The following ZNF469 variants were observed in gnomAD, a reference collection of about 807,000 sequenced individuals.
ZNF469 encodes zinc finger protein 469.
Under a neutral mutation model 1.0 loss-of-function variants are expected in ZNF469, and 1 was observed. That is an observed-to-expected ratio of 1.00 (90% CI 0.35 to 4.73). ZNF469 has a LOEUF of 4.73. Among genes scored for constraint, ZNF469 ranks in the 30% most tolerant of loss-of-function variants. ZNF469 has a pLI of 0.16. For synonymous variants in ZNF469, 2,703 were observed against 2,363.4 expected (o/e 1.14, Z -4.17); for missense variants, 6,100 against 5,356.3 (o/e 1.14, Z -4.33).
At chr16:88,231,449 G>C in the ZNF469 span, among the ~76,000 whole-genome samples, 1 of 152,236 alleles carries the variant, frequency 6.6e-6, no homozygotes, top group Non-Finnish European at 1.5e-5. This position sits in a 1 kb window ranked among gnomAD's most constrained non-coding sequence, Gnocchi z 4.5. Context: ...GCTGCGACGA[G>C]ATGACCACAG....
upstream of ZNF469, among the ~76,000 whole-genome samples, chr16:88,381,212 ACACAGACATGCACTCACACACGCACT>A (rs1425183209): frequency 2.9e-4 from 42 of 144,586 alleles, no homozygotes; most frequent in Non-Finnish European, 5.1e-4. Context: ...ACAGACACAC[ACACAGACATGCACTCACACACGCACT>A]CACAGACATG....
chr16:88,389,199 C>G (rs539729460), intron 1 of ZNF469, among the ~76,000 whole-genome samples: 2 of 152,382 alleles, frequency 1.3e-5, no homozygotes, highest in South Asian at 4.1e-4. Context: ...CCCTCGGCAG[C>G]CGCTCCTTCC....
the ZNF469 span, among the ~76,000 whole-genome samples, chr16:88,185,699 ACT>A: frequency 2.0e-5 from 3 of 149,924 alleles, no homozygotes; most frequent in Non-Finnish European, 4.4e-5. Context: ...ACATTCGCAC[ACT>A]CACACACGTG....
At position 88,435,466 on chromosome 16, in the gene ZNF469, C is replaced by T; in HGVS notation, c.7996C>T (p.Pro2666Ser). ...AGATGGGCGCGGCTCCAGACCATCC[C>T]CTGCAATGGCCAGTTACGCAGCCTC... ...ISDGRGSRPSPAMASYAASPS... is the reference protein window; with the variant it reads ...ISDGRGSRPSSAMASYAASPS... The change falls in exon 3 of 3, where the codon CCT becomes TCT. Residue 2666 changes from proline to serine, a missense_variant. By Grantham distance (74) the Pro-to-Ser change is moderately conservative. Transcript: ENST00000565624. 6.5e-7 allele frequency: 1 copy of T among 1,549,604 alleles called. No homozygotes were observed. The highest frequency in any genetic ancestry group is 8.7e-7 in the Non-Finnish European group (1 of 1,146,984).
the ZNF469 span, among the ~76,000 whole-genome samples, chr16:88,200,824 C>A: frequency 9.2e-5 from 14 of 152,272 alleles, no homozygotes; most frequent in African/African-American, 3.4e-4. Context: ...AGCCACAGCT[C>A]CTCTGTTGTC....
In ZNF469 at chr16:88,439,658, ACAC is replaced by A. The variant is rs1906864628; in HGVS notation, c.*330_*332del. On this transcript the variant is annotated 3_prime_UTR_variant, in exon 3 of 3. Transcript: ENST00000565624. ...ACACCCCTGCGCCCTGTGGGCACCG[ACAC>A]CACAGAAGCCAATGTTTGGAGATTT... The A allele has an allele frequency of 2.8e-6, 1 of 362,036 alleles. No individual in the cohort carries two copies. Among genetic ancestry groups the A allele is most frequent in the Non-Finnish European group, 5.1e-6 (1 of 194,834 alleles). 22.4% of individuals were successfully genotyped at this position (362,036 alleles called of 1,614,324 possible).
chr16:88,249,096 A>G, the ZNF469 span, among the ~76,000 whole-genome samples: 3 of 151,924 alleles, frequency 2.0e-5, no homozygotes, highest in East Asian at 1.9e-4. Flanking sequence ...TGATGCCCCA[A>G]ATGAAATAGC....
At chr16:88,116,967 A>G in the ZNF469 span, among the ~76,000 whole-genome samples, 2,252 of 54,820 alleles carry the variant, frequency 0.041, 29 homozygotes, top group African/African-American at 0.085. Context: ...ACACACACAC[A>G]CACACACACA....
rs1267370390 is a variant in ZNF469, at chr16:88,430,934, C to G, written c.3464C>G (p.Pro1155Arg). 10 of 1,536,012 alleles carry G rather than the reference C, an allele frequency of 6.5e-6. No homozygotes were observed. In the African/African-American group the frequency reaches 1.2e-4, roughly 19 times the overall value. The change falls in exon 3 of 3, where the codon CCC becomes CGC. Residue 1155 changes from proline (P) to arginine (R), a missense_variant. By Grantham distance (103) the Pro-to-Arg change is moderately radical. Transcript: ENST00000565624. ...GGCGGGGACGGAGCCCCCGCGAACCCCGAGGAGCCGGGCGGGTCTCGCCCG... is the reference window on the plus strand; with the variant it reads ...GGCGGGGACGGAGCCCCCGCGAACCGCGAGGAGCCGGGCGGGTCTCGCCCG... ...EAGGDGAPAN[P>R]EEPGGSRPGP... is the part of the protein sequence containing the mutation.
the ZNF469 span, among the ~76,000 whole-genome samples, chr16:88,346,783 G>T: frequency 6.6e-6 from 1 of 152,250 alleles, no homozygotes; most frequent in Non-Finnish European, 1.5e-5. Flanking sequence ...CCCTGTGTGT[G>T]CGTCCCAAGC....
the ZNF469 span, among the ~76,000 whole-genome samples, chr16:88,248,402 G>C: frequency 2.0e-5 from 3 of 152,158 alleles, no homozygotes; most frequent in Non-Finnish European, 2.9e-5. Flanking sequence ...TCTCAGAGTT[G>C]CAACACTCTC....
At chr16:88,416,614 C>T (rs898730824) in intron 1 of ZNF469, among the ~76,000 whole-genome samples, 3 of 152,218 alleles carry the variant, frequency 2.0e-5, no homozygotes, top group Non-Finnish European at 2.9e-5. Context: ...CCACCATTAC[C>T]GTGAGAAATT....
At chr16:88,241,055 C>T in the ZNF469 span, among the ~76,000 whole-genome samples, 3 of 152,154 alleles carry the variant, frequency 2.0e-5, no homozygotes, top group African/African-American at 7.2e-5. This position sits in a 1 kb window ranked among gnomAD's most constrained non-coding sequence, Gnocchi z 4.8. Flanking sequence ...TGCTTGGTCA[C>T]GGAGCAGCAT....
At chr16:88,387,471 T>A (rs1179749090) in intron 1 of ZNF469, among the ~76,000 whole-genome samples, 1 of 152,096 alleles carries the variant, frequency 6.6e-6, no homozygotes, top group Non-Finnish European at 1.5e-5. Context: ...CTTGGCTGCT[T>A]GCGGTTGCTG....
At chr16:88,310,478 A>C in the ZNF469 span, among the ~76,000 whole-genome samples, 1 of 152,092 alleles carries the variant, frequency 6.6e-6, no homozygotes, top group Non-Finnish European at 1.5e-5. Context: ...TTTGCACACA[A>C]AAGTGATAGC....
At chr16:88,300,506 A>C in the ZNF469 span, among the ~76,000 whole-genome samples, 104,762 of 151,598 alleles carry the variant, frequency 0.69, 36,373 homozygotes, top group East Asian at 0.95. Flanking sequence ...GTGCTGCCAT[A>C]CTCTATCCTA....
At chr16:88,291,362 C>G in the ZNF469 span, among the ~76,000 whole-genome samples, 1 of 152,176 alleles carries the variant, frequency 6.6e-6, no homozygotes, top group African/African-American at 2.4e-5. Flanking sequence ...GAATTTTGAC[C>G]AGAATCCTGA....
At chr16:88,178,670 T>A in the ZNF469 span, 1 of 152,238 alleles carries the variant, frequency 6.6e-6, no homozygotes, top group Admixed American at 6.5e-5. Flanking sequence ...AAACAATATT[T>A]TGTAAAATAA....
the ZNF469 span, among the ~76,000 whole-genome samples, chr16:88,258,565 G>C: frequency 4.6e-5 from 7 of 152,180 alleles, no homozygotes; most frequent in African/African-American, 1.7e-4. Flanking sequence ...AGTAATATTG[G>C]AGAGAACCTT....
Sources: gnomAD v4.1 joint callset for allele counts (sites outside exome capture counted in the v4.1 genomes callset) on GRCh38, gnomAD v4.1.1 for gene constraint, Gnocchi (gnomAD v3.1) non-coding constraint, MANE v1.5 for transcripts, NCBI Gene and HGNC (gene_info 2026-07-23, HGNC 2026-07-21) for gene names.